The following MAP3K3 variants were observed in gnomAD, a reference collection of about 807,000 sequenced individuals.
MAP3K3 encodes the protein MAP/ERK kinase kinase 3.
A neutral mutation model predicts 80.9 loss-of-function variants in MAP3K3; 12 were observed. The observed-to-expected ratio is 0.15, with a 90% confidence interval of 0.10 to 0.24. The LOEUF is 0.24. Among genes scored for constraint, MAP3K3 ranks in the 10% least tolerant of loss-of-function variants. The probability of loss-of-function intolerance (pLI) is 1.00; values close to 1 mark genes in which losing one functional copy is unlikely to be tolerated. For synonymous variants in MAP3K3, 272 were observed against 307.1 expected (o/e 0.89, Z 1.19); for missense variants, 596 against 834.7 (o/e 0.71, Z 3.52).
intron 6 of MAP3K3, among the ~76,000 whole-genome samples, chr17:63,678,144 T>G (rs899183490): frequency 6.6e-6 from 1 of 152,162 alleles, no homozygotes; most frequent in African/African-American, 2.4e-5. Context: ...AAAGTCACTT[T>G]ATGGCTTTGG....
intron 7 of MAP3K3, chr17:63,682,901 G>A (rs1019065118): frequency 3.3e-5 from 5 of 152,272 alleles, no homozygotes; most frequent in Admixed American, 3.3e-4. Flanking sequence ...AATTGGAAGA[G>A]GGAGCAATCA....
intron 3 of MAP3K3, among the ~76,000 whole-genome samples, chr17:63,651,027 T>C (rs1292248767): frequency 6.6e-6 from 1 of 152,180 alleles, no homozygotes; most frequent in Admixed American, 6.5e-5. Flanking sequence ...TATGTGTGTG[T>C]ATGAGTTTCT....
intron 5 of MAP3K3, among the ~76,000 whole-genome samples, chr17:63,666,060 CAGGGTTTAGTTTTA>C (rs1233238367): frequency 6.6e-6 from 1 of 152,136 alleles, no homozygotes; most frequent in African/African-American, 2.4e-5. Context: ...TGATTACCTC[CAGGGTTTAGTTTTA>C]AGCTTTCTCA....
intron 2 of MAP3K3, among the ~76,000 whole-genome samples, chr17:63,640,259 C>G (rs1208814505): frequency 6.6e-6 from 1 of 152,170 alleles, no homozygotes; most frequent in East Asian, 1.9e-4. Flanking sequence ...CTACTGCACT[C>G]CAGCCTGGGC....
rs2035014910 is a variant in MAP3K3, at chr17:63,667,053, C to T, written c.495C>T (p.Leu165=). Residue 165 remains leucine (L), a synonymous_variant, in exon 6 of 16, where the codon CTC becomes CTT. Transcript: ENST00000361733. ...CCCCCGAGCCCAGAAGCAGGCACCT[C>T]TCTGTCAGTGAGTATTTCAACCCTT... ...YQPPEPRSRH[L]SVSSQNPGRS... The T allele has an allele frequency of 2.5e-6, 4 of 1,602,418 alleles. No homozygotes were observed. In the South Asian group the frequency reaches 4.5e-5, roughly 18 times the overall value.
intron 2 of MAP3K3, chr17:63,634,621 C>T: frequency 9.1e-7 from 1 of 1,102,730 alleles, no homozygotes; most frequent in Non-Finnish European, 1.4e-6. Flanking sequence ...GGTACTAGAT[C>T]TTTGGATCCA....
rs1040337806 is a variant in MAP3K3 at position 63,695,013 on chromosome 17, C to T, written c.*1236C>T. 6.6e-6 allele frequency: 1 copy of T among 152,548 alleles called. No homozygotes were observed. Among genetic ancestry groups the T allele is most frequent in the Non-Finnish European group, 1.5e-5 (1 of 68,064 alleles). 9.4% of individuals were successfully genotyped at this position (152,548 alleles called of 1,614,324 possible). ...TGGGCGCTGGTCCTTTCTTCCGGCC[C>T]CTCCCCTCCAAAATGTGCCTATTGC... On this transcript the variant is annotated 3_prime_UTR_variant, in exon 16 of 16. Coordinates refer to ENST00000361733, the MANE Select transcript of MAP3K3 (RefSeq NM_002401.5). This position sits in a 1 kb window ranked among gnomAD's most constrained non-coding sequence, Gnocchi z 4.1.
At chr17:63,628,924 G>A (rs2034161708) in intron 1 of MAP3K3, among the ~76,000 whole-genome samples, 1 of 152,152 alleles carries the variant, frequency 6.6e-6, no homozygotes, top group East Asian at 1.9e-4. Flanking sequence ...TACTGTGTTA[G>A]GTACCATAAG....
intron 7 of MAP3K3, among the ~76,000 whole-genome samples, chr17:63,683,182 G>C (rs1470461803): frequency 1.3e-5 from 2 of 152,220 alleles, no homozygotes; most frequent in East Asian, 1.9e-4. Context: ...CTTATAAAAA[G>C]CTGATTCTTG....
At position 63,693,333 on chromosome 17, in the gene MAP3K3, A is replaced by G. The variant is rs1399997345; in HGVS notation, c.1653-216A>G. Among the ~76,000 whole-genome samples the G allele has an allele frequency of 6.6e-6, 1 of 152,138 alleles. No individual in the cohort carries two copies. Among genetic ancestry groups the G allele is most frequent in the Non-Finnish European group, 1.5e-5 (1 of 68,016 alleles). ...GAGTTCTTTCTGTCAAGTCTAAGTGATTCTCTTTTTCCTTATTTCAAGAAG... is the reference window on the plus strand; with the variant it reads ...GAGTTCTTTCTGTCAAGTCTAAGTGGTTCTCTTTTTCCTTATTTCAAGAAG... On this transcript the variant is annotated intron_variant, in intron 15 of 15. Coordinates refer to ENST00000361733, the MANE Select transcript of MAP3K3 (RefSeq NM_002401.5). This position sits in a 1 kb window ranked among gnomAD's most constrained non-coding sequence, Gnocchi z 4.2.
At chr17:63,679,196 C>T (rs961658239) in intron 6 of MAP3K3, among the ~76,000 whole-genome samples, 2 of 152,148 alleles carry the variant, frequency 1.3e-5, no homozygotes, top group Admixed American at 1.3e-4. Context: ...GGCAACATAG[C>T]GAGACCCTGT....
At chr17:63,654,809 G>A (rs971021421) in intron 4 of MAP3K3, among the ~76,000 whole-genome samples, 2 of 152,078 alleles carry the variant, frequency 1.3e-5, no homozygotes, top group African/African-American at 2.4e-5. Context: ...AGGCTGAGGC[G>A]GGCAGATCAC....
intron 5 of MAP3K3, among the ~76,000 whole-genome samples, chr17:63,661,127 A>G (rs1301176759): frequency 1.3e-5 from 2 of 151,864 alleles, no homozygotes; most frequent in Admixed American, 1.3e-4. Flanking sequence ...GCTCATTGCA[A>G]CCTCCGCCTC....
rs549475086 is a variant in MAP3K3 at position 63,692,112 on chromosome 17, C to T, written c.1475-130C>T. 7.3e-5 allele frequency: 81 copies of T among 1,114,144 alleles called. No individual in the cohort carries two copies. In the South Asian group the frequency reaches 1.1e-3, roughly 15 times the overall value. The allele number at this position is 1,114,144 out of a possible 1,614,324, so 69.0% of individuals were successfully genotyped here. ...ACTCCCCTTTGCTAAATCCTTTGCCCTTTGCAGTTCATGTCTAATTCAGTG... is the reference window on the plus strand; with the variant it reads ...ACTCCCCTTTGCTAAATCCTTTGCCTTTTGCAGTTCATGTCTAATTCAGTG... On this transcript the variant is annotated intron_variant, in intron 14 of 15. Coordinates refer to ENST00000361733, the MANE Select transcript of MAP3K3 (RefSeq NM_002401.5). This position sits in a 1 kb window ranked among gnomAD's most constrained non-coding sequence, Gnocchi z 4.5.
intron 2 of MAP3K3, among the ~76,000 whole-genome samples, chr17:63,639,322 C>T (rs1308789246): frequency 2.0e-5 from 3 of 152,024 alleles, no homozygotes; most frequent in Admixed American, 2.0e-4. Flanking sequence ...GATTAAAGGC[C>T]TAGGGGAAGA....
intron 5 of MAP3K3, among the ~76,000 whole-genome samples, chr17:63,659,577 G>T (rs992016505): frequency 2.0e-4 from 28 of 138,650 alleles, no homozygotes; most frequent in African/African-American, 7.8e-4. Flanking sequence ...CTGTCGCCCA[G>T]GCCGGAGTGC....
chr17:63,651,142 T>C (rs2034647031), intron 3 of MAP3K3, among the ~76,000 whole-genome samples: 1 of 152,210 alleles, frequency 6.6e-6, no homozygotes, highest in African/African-American at 2.4e-5. Flanking sequence ...ATATCAAAAA[T>C]GGTCGGCCAT....
At chr17:63,688,428 A>G in intron 8 of MAP3K3, 99 bp from the exon 9 acceptor site, 1 of 917,044 alleles carries the variant, frequency 1.1e-6, no homozygotes, top group Admixed American at 1.8e-5. Flanking sequence ...TCCCCCACCT[A>G]ATGCTGTGGC....
chr17:63,643,831 T>C (rs1421008187), intron 2 of MAP3K3, among the ~76,000 whole-genome samples: 1 of 151,958 alleles, frequency 6.6e-6, no homozygotes, highest in African/African-American at 2.4e-5. Context: ...AGAGGACTCT[T>C]GTCATGGTAA....
Sources: allele counts gnomAD v4.1 joint callset (sites outside exome capture counted in the v4.1 genomes callset), GRCh38; gene constraint gnomAD v4.1.1; non-coding constraint Gnocchi (gnomAD v3.1); transcripts MANE v1.5; gene names NCBI Gene and HGNC (gene_info 2026-07-23, HGNC 2026-07-21).